ZNF69: variants seen among roughly 807,000 people sequenced by gnomAD.
The protein encoded by ZNF69 is zinc finger protein 69.
Under a neutral mutation model 50.9 loss-of-function variants are expected in ZNF69, and 47 were observed. That is an observed-to-expected ratio of 0.92 (90% confidence interval 0.73 to 1.18). The LOEUF is 1.18. Ranked by LOEUF, ZNF69 falls within the 50% of genes most tolerant of loss-of-function variation. The probability of loss-of-function intolerance (pLI) is 0.00; values close to 1 mark genes in which losing one functional copy is unlikely to be tolerated. For synonymous variants in ZNF69, 216 were observed against 223.1 expected, an observed-to-expected ratio of 0.97 and a Z score of 0.29; for missense variants, 717 against 675.1, an observed-to-expected ratio of 1.06 and a Z score of -0.69.
chr19:11,957,834 G>A, the ZNF69 span, among the ~76,000 whole-genome samples: 3 of 151,954 alleles, frequency 2.0e-5, no homozygotes, highest in Non-Finnish European at 2.9e-5. Context: ...TACAGAACAA[G>A]ACTGTCTCAA....
the ZNF69 span, among the ~76,000 whole-genome samples, chr19:11,938,054 A>G: frequency 9.2e-5 from 14 of 151,682 alleles, no homozygotes; most frequent in Non-Finnish European, 1.8e-4. Context: ...TTCTGCCTCT[A>G]TTTATTCATT....
chr19:11,928,020 C>G, the ZNF69 span, among the ~76,000 whole-genome samples: 2 of 150,564 alleles, frequency 1.3e-5, no homozygotes, highest in Admixed American at 6.6e-5. Flanking sequence ...TTTTTTGAGA[C>G]AGTATCTTGC....
At chr19:11,952,195 G>A in the ZNF69 span, among the ~76,000 whole-genome samples, 3 of 152,240 alleles carry the variant, frequency 2.0e-5, no homozygotes, top group South Asian at 4.1e-4. Context: ...AAAAGACTTG[G>A]CCTTGTGATG....
the ZNF69 span, among the ~76,000 whole-genome samples, chr19:11,941,057 A>G: frequency 1.3e-5 from 2 of 152,204 alleles, no homozygotes; most frequent in Non-Finnish European, 2.9e-5. Flanking sequence ...CAGAGTAGCT[A>G]GATACAGAGT....
At chr19:11,969,343 G>C in the ZNF69 span, among the ~76,000 whole-genome samples, 1 of 152,188 alleles carries the variant, frequency 6.6e-6, no homozygotes. Context: ...GTCCTCAAGT[G>C]GTCCATCCAC....
chr19:11,936,754 G>T, the ZNF69 span, among the ~76,000 whole-genome samples: 1 of 152,136 alleles, frequency 6.6e-6, no homozygotes, highest in African/African-American at 2.4e-5. Context: ...TAGTCATGAA[G>T]TCCTTGCCCA....
rs1243849385 is a variant in ZNF69 at position 11,906,177 on chromosome 19, A to T, written c.*79A>T. Reference sequence around the variant, plus strand: ...TCAAGAGAAACCATGAATGTAAAGAATGTGGGAAACCCTTCAGGTCTGCCC... The same window carrying T: ...TCAAGAGAAACCATGAATGTAAAGATTGTGGGAAACCCTTCAGGTCTGCCC... On this transcript the variant is annotated 3_prime_UTR_variant, in exon 4 of 4. Coordinates refer to ENST00000429654, the MANE Select transcript of ZNF69 (RefSeq NM_001364730.1). The T allele has an allele frequency of 1.9e-6, 3 of 1,564,972 alleles. No homozygotes were observed. In the African/African-American group the frequency reaches 4.1e-5, roughly 22 times the overall value.
chr19:11,922,940 G>A, the ZNF69 span, among the ~76,000 whole-genome samples: 1 of 151,826 alleles, frequency 6.6e-6, no homozygotes, highest in Non-Finnish European at 1.5e-5. Context: ...AGCCTCCTGA[G>A]TAGCTGTGAT....
downstream of ZNF69, among the ~76,000 whole-genome samples, chr19:11,918,272 C>T (rs114878099): frequency 0.014 from 2,149 of 152,200 alleles, 44 homozygotes; most frequent in African/African-American, 0.049. Context: ...CATGCACGTG[C>T]CTTTATTCTT....
the ZNF69 span, among the ~76,000 whole-genome samples, chr19:11,931,775 C>T: frequency 6.8e-6 from 1 of 148,070 alleles, no homozygotes; most frequent in East Asian, 1.9e-4. Flanking sequence ...GCATAATAAT[C>T]ATTTTTTATC....
chr19:11,921,770 T>C, the ZNF69 span, among the ~76,000 whole-genome samples: 1 of 152,274 alleles, frequency 6.6e-6, no homozygotes, highest in East Asian at 1.9e-4. Context: ...CCCAAAGTGC[T>C]GGGATTACAG....
chr19:11,954,094 TAGG>T, the ZNF69 span, among the ~76,000 whole-genome samples: 1 of 152,158 alleles, frequency 6.6e-6, no homozygotes, highest in African/African-American at 2.4e-5. Flanking sequence ...AGCAGATTAA[TAGG>T]AGAAAAGTTA....
chr19:11,933,598 CAG>C, the ZNF69 span, among the ~76,000 whole-genome samples: 1 of 147,886 alleles, frequency 6.8e-6, no homozygotes, highest in African/African-American at 2.7e-5. Flanking sequence ...TTGCATTTTC[CAG>C]AATATTAAAT....
At chr19:11,932,989 A>G in the ZNF69 span, among the ~76,000 whole-genome samples, 3 of 148,662 alleles carry the variant, frequency 2.0e-5, no homozygotes, top group South Asian at 2.1e-4. Flanking sequence ...TGAACCTTAC[A>G]TGGAATGATA....
chr19:11,955,840 T>A, the ZNF69 span, among the ~76,000 whole-genome samples: 6 of 152,200 alleles, frequency 3.9e-5, no homozygotes, highest in Non-Finnish European at 8.8e-5. Flanking sequence ...GGCTGGCAAC[T>A]GTTGTGATAT....
At chr19:11,960,568 G>A in the ZNF69 span, among the ~76,000 whole-genome samples, 1 of 151,370 alleles carries the variant, frequency 6.6e-6, no homozygotes, top group Non-Finnish European at 1.5e-5. Context: ...TGCTAGGATT[G>A]CAGACATGAT....
the ZNF69 span, among the ~76,000 whole-genome samples, chr19:11,955,254 C>T: frequency 4.0e-5 from 6 of 151,854 alleles, no homozygotes; most frequent in African/African-American, 1.2e-4. Context: ...CCGCCCACCT[C>T]GGCATCCGAA....
chr19:11,962,288 C>G, the ZNF69 span, among the ~76,000 whole-genome samples: 3,479 of 152,232 alleles, frequency 0.023, 119 homozygotes, highest in African/African-American at 0.077. Flanking sequence ...CATGATACTC[C>G]CACTCTCATA....
At chr19:11,922,345 C>T in the ZNF69 span, among the ~76,000 whole-genome samples, 3 of 152,276 alleles carry the variant, frequency 2.0e-5, no homozygotes, top group African/African-American at 4.8e-5. Flanking sequence ...TGTAAGACAG[C>T]GTATAAAAAC....
Sources: gnomAD v4.1 joint callset for allele counts (sites outside exome capture counted in the v4.1 genomes callset) on GRCh38, gnomAD v4.1.1 for gene constraint, MANE v1.5 for transcripts, NCBI Gene and HGNC (gene_info 2026-07-23, HGNC 2026-07-21) for gene names.